The following AIDA variants were observed in gnomAD, a reference collection of about 807,000 sequenced individuals.
The protein encoded by AIDA is axin interactor, dorsalization associated, also known as axin interactor, dorsalization-associated protein.
In AIDA, 18 loss-of-function variants were observed where a neutral mutation model predicts 42.7. That is an observed-to-expected ratio of 0.42 (90% CI 0.29 to 0.63). The LOEUF is 0.63. Ranked by LOEUF, AIDA falls within the 20% of genes least tolerant of loss-of-function variation. AIDA has a pLI of 0.19. For synonymous variants in AIDA, 104 were observed against 122.9 expected (o/e 0.85, Z 1.02); for missense variants, 250 against 354.1 (o/e 0.71, Z 2.36).
intron 4 of AIDA, among the ~76,000 whole-genome samples, chr1:222,689,520 T>TATATATATATATACAC (rs765351898): frequency 1.9e-4 from 11 of 58,102 alleles, no homozygotes; most frequent in South Asian, 1.2e-3. Flanking sequence ...TATATATATA[T>TATATATATATATACAC]ACACACATAC....
chr1:222,702,255 TAA>T (rs1043332924), intron 2 of AIDA, among the ~76,000 whole-genome samples: 2 of 152,182 alleles, frequency 1.3e-5, no homozygotes, highest in African/African-American at 4.8e-5. Context: ...AGGCTTACCA[TAA>T]AAGTGTGGAA....
chr1:222,687,632 T>C lies in AIDA; in HGVS notation c.316A>G (p.Lys106Glu). The C allele has an allele frequency of 6.7e-7, 1 of 1,496,164 alleles. No homozygotes were observed. Among genetic ancestry groups the C allele is most frequent in the Non-Finnish European group, 9.1e-7 (1 of 1,101,742 alleles). 92.7% of individuals were successfully genotyped at this position (1,496,164 alleles called of 1,614,324 possible). Reference protein sequence around the residue: ...PILKNILTYNKEFPFDVQPVP... With the variant: ...PILKNILTYNEEFPFDVQPVP... Reference sequence around the variant, plus strand: ...GGCTGAACATCAAATGGGAATTCTTTATTATATGTAAGAATATTCTTTAGG... The same window carrying C: ...GGCTGAACATCAAATGGGAATTCTTCATTATATGTAAGAATATTCTTTAGG... The change falls in exon 5 of 10, where the codon AAA becomes GAA. Residue 106 changes from lysine (K) to glutamate (E), a missense_variant. Coordinates refer to ENST00000340020, the MANE Select transcript of AIDA (RefSeq NM_022831.4).
chr1:222,704,366 CA>C (rs796881796), intron 1 of AIDA, among the ~76,000 whole-genome samples: 1 of 151,928 alleles, frequency 6.6e-6, no homozygotes, highest in Non-Finnish European at 1.5e-5. Context: ...TGTTTACACA[CA>C]AAAAAACTGA....
chr1:222,687,671 G>A lies in AIDA; in HGVS notation c.290-13C>T. On this transcript the variant is annotated splice_polypyrimidine_tract_variant and intron_variant, in intron 4 of 9. Coordinates refer to ENST00000340020, the MANE Select transcript of AIDA (RefSeq NM_022831.4). ...ATATTCTTTAGGACTAGAATAAGAA[G>A]ATAAAGAAACATGAATTCTTCCATG... 1 of 1,447,522 alleles carries A rather than the reference G, an allele frequency of 6.9e-7. No homozygotes were observed. Among genetic ancestry groups the A allele is most frequent in the Non-Finnish European group, 9.3e-7 (1 of 1,073,484 alleles). 89.7% of individuals were successfully genotyped at this position (1,447,522 alleles called of 1,614,324 possible). A position where few individuals can be genotyped will look rare whatever the true frequency, so the allele number is the denominator to read the frequency against.
intron 6 of AIDA, among the ~76,000 whole-genome samples, chr1:222,684,725 C>A (rs1057213566): frequency 1.3e-5 from 2 of 152,146 alleles, no homozygotes; most frequent in Non-Finnish European, 2.9e-5. Context: ...AATGCTATAT[C>A]AGAATACAAA....
chr1:222,684,807 C>A (rs371695744), intron 6 of AIDA, among the ~76,000 whole-genome samples: 2 of 152,152 alleles, frequency 1.3e-5, no homozygotes, highest in Non-Finnish European at 2.9e-5. Flanking sequence ...AACTTAGCAA[C>A]CTGAACCCCA....
intron 1 of AIDA, among the ~76,000 whole-genome samples, chr1:222,706,709 A>G (rs1655848082): frequency 6.6e-6 from 1 of 152,020 alleles, no homozygotes; most frequent in South Asian, 2.1e-4. Context: ...TCTCTACAAA[A>G]AAATACAAAA....
intron 6 of AIDA, among the ~76,000 whole-genome samples, chr1:222,686,067 C>T (rs542099775): frequency 7.2e-5 from 11 of 152,022 alleles, no homozygotes; most frequent in Non-Finnish European, 1.5e-4. Context: ...GGCTGAGATG[C>T]GAGAATTGCT....
intron 2 of AIDA, among the ~76,000 whole-genome samples, chr1:222,702,131 T>C (rs1437654875): frequency 6.6e-6 from 1 of 152,176 alleles, no homozygotes; most frequent in Non-Finnish European, 1.5e-5. Context: ...AATGCAAATA[T>C]ACAAACTTGT....
At position 222,668,890 on chromosome 1, in the gene AIDA, A is replaced by T. The variant is rs1422151077; in HGVS notation, c.*1003T>A. The stretch of plus-strand genomic sequence containing the variant: ...GCATATTTTCATATGGATGAATGTC[A>T]GTATATCTAAATAGGAAATAAATGG... On this transcript the variant is annotated 3_prime_UTR_variant, in exon 10 of 10. Coordinates refer to ENST00000340020, the MANE Select transcript of AIDA (RefSeq NM_022831.4). The T allele has an allele frequency of 6.6e-6, 1 of 150,550 alleles. No individual in the cohort carries two copies. The highest frequency in any genetic ancestry group is 1.5e-5 in the Non-Finnish European group (1 of 67,676). 9.3% of individuals were successfully genotyped at this position (150,550 alleles called of 1,614,324 possible). A position where few individuals can be genotyped will look rare whatever the true frequency, so the allele number is the denominator to read the frequency against.
chr1:222,692,243 A>G (rs150370012), intron 4 of AIDA, among the ~76,000 whole-genome samples: 37 of 152,312 alleles, frequency 2.4e-4, no homozygotes, highest in African/African-American at 7.5e-4. Flanking sequence ...AAATGAACAC[A>G]AAGTACATCA....
At chr1:222,699,961 G>A (rs745679386) in intron 2 of AIDA, among the ~76,000 whole-genome samples, 5 of 151,940 alleles carry the variant, frequency 3.3e-5, no homozygotes, top group Non-Finnish European at 5.9e-5. Flanking sequence ...TAGTAGAGAC[G>A]GGGTTTCACC....
chr1:222,672,279 C>T (rs1664463477), intron 8 of AIDA, among the ~76,000 whole-genome samples: 2 of 152,130 alleles, frequency 1.3e-5, no homozygotes, highest in South Asian at 4.1e-4. Context: ...AACACTCCAC[C>T]TTCTCCCGTC....
chr1:222,689,557 A>ATG, intron 4 of AIDA, among the ~76,000 whole-genome samples: 1 of 77,588 alleles, frequency 1.3e-5, no homozygotes, highest in African/African-American at 3.5e-5. Flanking sequence ...ATACATATAT[A>ATG]TGTATATATA....
chr1:222,693,053 T>C (rs1280604323), intron 4 of AIDA, among the ~76,000 whole-genome samples: 2 of 152,208 alleles, frequency 1.3e-5, no homozygotes, highest in African/African-American at 2.4e-5. Context: ...TGTTCAACTA[T>C]AAAGTGAGAG....
At position 222,684,583 on chromosome 1, in the gene AIDA, G is replaced by C. The variant is rs558291109; in HGVS notation, c.460+2347C>G. Among the ~76,000 whole-genome samples, 3 of 152,080 alleles carry C rather than the reference G, an allele frequency of 2.0e-5. No individual in the cohort carries two copies. In the South Asian group the frequency reaches 6.2e-4, roughly 32 times the overall value. ...TTACAAGTTATTTTTTAATAACACA[G>C]GCCCTGAACAATATGATCCCAAACC... On this transcript the variant is annotated intron_variant, in intron 6 of 9. Coordinates refer to ENST00000340020, the MANE Select transcript of AIDA (RefSeq NM_022831.4).
chr1:222,689,153 T>C (rs1351900549), intron 4 of AIDA, among the ~76,000 whole-genome samples: 3 of 151,864 alleles, frequency 2.0e-5, no homozygotes, highest in Non-Finnish European at 2.9e-5. Context: ...AAAAATATTA[T>C]TGTGGCTGGC....
chr1:222,688,199 G>A lies in AIDA; in HGVS notation c.290-541C>T, dbSNP rs76675833. Among the ~76,000 whole-genome samples, 455 of 152,172 alleles carry A rather than the reference G, an allele frequency of 3.0e-3. 2 individuals carry two copies. Among genetic ancestry groups the A allele is most frequent in the African/African-American group, 0.01 (433 of 41,524 alleles). ...CACGCCATTGCAAGAATGATACTCT[G>A]TTTCAAAAAAAGTTGTATAAAAGAT... On this transcript the variant is annotated intron_variant, in intron 4 of 9. Coordinates refer to ENST00000340020, the MANE Select transcript of AIDA (RefSeq NM_022831.4).
intron 2 of AIDA, among the ~76,000 whole-genome samples, chr1:222,701,546 T>G (rs1655704771): frequency 6.6e-6 from 1 of 152,186 alleles, no homozygotes; most frequent in South Asian, 2.1e-4. Flanking sequence ...TGATGCCAGC[T>G]GATCATTTCC....
Sources: gnomAD v4.1 joint callset for allele counts (sites outside exome capture counted in the v4.1 genomes callset) on GRCh38, gnomAD v4.1.1 for gene constraint, MANE v1.5 for transcripts, NCBI Gene and HGNC (gene_info 2026-07-23, HGNC 2026-07-21) for gene names.